The following GABRB2 variants were observed in gnomAD, a reference collection of about 807,000 sequenced individuals.
The protein encoded by GABRB2 is gamma-aminobutyric acid type A receptor subunit beta2.
GABRB2 carries 16 observed loss-of-function variants against 54.7 expected under a neutral mutation model. The ratio of observed to expected loss-of-function variants is 0.29; its 90% confidence interval spans 0.20 to 0.44. GABRB2 has a LOEUF of 0.44. Ranked by LOEUF, GABRB2 falls within the 20% of genes least tolerant of loss-of-function variation. The pLI, the probability that GABRB2 is intolerant of heterozygous loss-of-function variation, is 1.00. For missense variants in GABRB2, 355 were observed against 644.0 expected, an observed-to-expected ratio of 0.55 and a Z score of 4.86; for synonymous variants, 244 against 233.8, an observed-to-expected ratio of 1.04 and a Z score of -0.40.
chr5:161,498,114 T>G (rs573011964), intron 3 of GABRB2, among the ~76,000 whole-genome samples: 33 of 152,200 alleles, frequency 2.2e-4, no homozygotes, highest in Non-Finnish European at 3.5e-4. Context: ...TTGCATGAAA[T>G]TTAGAAGGCT....
intron 3 of GABRB2, among the ~76,000 whole-genome samples, chr5:161,527,151 T>C (rs535021752): frequency 6.6e-6 from 1 of 151,186 alleles, no homozygotes; most frequent in East Asian, 1.9e-4. Flanking sequence ...GGGAGAAATA[T>C]TAATGAAGCA....
intron 3 of GABRB2, among the ~76,000 whole-genome samples, chr5:161,538,418 T>C (rs1274092393): frequency 1.3e-5 from 2 of 152,186 alleles, no homozygotes; most frequent in African/African-American, 4.8e-5. Flanking sequence ...AAGGAACTTA[T>C]AGGAGACAAA....
intron 4 of GABRB2, among the ~76,000 whole-genome samples, chr5:161,440,310 A>G (rs1319606324): frequency 2.6e-5 from 4 of 152,148 alleles, no homozygotes; most frequent in Admixed American, 6.6e-5. Flanking sequence ...GAATGGATGA[A>G]AAAACAAGAC....
intron 4 of GABRB2, among the ~76,000 whole-genome samples, chr5:161,448,372 A>G (rs1757695009): frequency 6.6e-6 from 1 of 152,120 alleles, no homozygotes; most frequent in South Asian, 2.1e-4. Flanking sequence ...GCTCTGAACT[A>G]TGAGAACACC....
intron 5 of GABRB2, among the ~76,000 whole-genome samples, chr5:161,372,274 C>T (rs916059082): frequency 4.6e-5 from 7 of 152,164 alleles, no homozygotes; most frequent in Non-Finnish European, 8.8e-5. Context: ...GGGGCTGCAT[C>T]CCTGAAAAGG....
At chr5:161,479,823 T>C (rs976341599) in intron 3 of GABRB2, among the ~76,000 whole-genome samples, 1 of 151,868 alleles carries the variant, frequency 6.6e-6, no homozygotes, top group Non-Finnish European at 1.5e-5. Flanking sequence ...TTCCTGACCT[T>C]GTGATCCACC....
At chr5:161,352,410 T>C (rs1347013764) in intron 5 of GABRB2, among the ~76,000 whole-genome samples, 1 of 151,922 alleles carries the variant, frequency 6.6e-6, no homozygotes, top group African/African-American at 2.4e-5. Context: ...TGCGACAACA[T>C]GAATGAACCT....
chr5:161,525,174 C>T (rs1760238749), intron 3 of GABRB2, among the ~76,000 whole-genome samples: 1 of 151,022 alleles, frequency 6.6e-6, no homozygotes, highest in Admixed American at 6.6e-5. Context: ...ACAAGTGTGC[C>T]CTAATAAAAA....
chr5:161,452,010 A>T (rs1757802421), intron 4 of GABRB2, among the ~76,000 whole-genome samples: 3 of 152,166 alleles, frequency 2.0e-5, no homozygotes, highest in Admixed American at 6.6e-5. Flanking sequence ...AATGTGATTA[A>T]GTATGATGTA....
chr5:161,346,561 ATCTTAACCCAT>A (rs1218249675), intron 5 of GABRB2, among the ~76,000 whole-genome samples: 2 of 152,138 alleles, frequency 1.3e-5, no homozygotes, highest in African/African-American at 4.8e-5. Flanking sequence ...GGGTCTCTCC[ATCTTAACCCAT>A]TCTTTTGTAC....
intron 5 of GABRB2, among the ~76,000 whole-genome samples, chr5:161,367,830 T>G (rs191712659): frequency 1.2e-3 from 185 of 152,222 alleles, no homozygotes; most frequent in Middle Eastern, 0.01. Flanking sequence ...CACCAGGAAA[T>G]AGTCAACAGA....
chr5:161,471,189 C>T (rs1758429202), intron 3 of GABRB2, among the ~76,000 whole-genome samples: 1 of 151,934 alleles, frequency 6.6e-6, no homozygotes, highest in African/African-American at 2.4e-5. Context: ...TTCTGAAGGA[C>T]ATAGTTTATC....
intron 5 of GABRB2, among the ~76,000 whole-genome samples, chr5:161,409,181 T>C (rs950400513): frequency 1.3e-5 from 2 of 152,048 alleles, no homozygotes; most frequent in African/African-American, 4.8e-5. Flanking sequence ...AAGTAAGAAG[T>C]CAGCTATCTT....
chr5:161,508,122 A>C (rs1759664764), intron 3 of GABRB2, among the ~76,000 whole-genome samples: 1 of 151,762 alleles, frequency 6.6e-6, no homozygotes, highest in East Asian at 1.9e-4. Context: ...ATTTTATATC[A>C]CTGAATGCCT....
chr5:161,467,988 T>C (rs1758326737), intron 3 of GABRB2, among the ~76,000 whole-genome samples: 1 of 152,116 alleles, frequency 6.6e-6, no homozygotes, highest in African/African-American at 2.4e-5. Flanking sequence ...TTTGCATGCT[T>C]TGGAATATTT....
At chr5:161,349,197 T>C (rs889247844) in intron 5 of GABRB2, among the ~76,000 whole-genome samples, 13 of 152,026 alleles carry the variant, frequency 8.6e-5, no homozygotes, top group Non-Finnish European at 1.8e-4. Context: ...TCTGTTCTTT[T>C]CTAAACTACC....
rs549053621 is a variant in GABRB2 at position 161,288,580 on chromosome 5, A to T, written c.*5501T>A. 11 of 152,732 alleles carry T rather than the reference A, an allele frequency of 7.2e-5. No homozygotes were observed. In the South Asian group the frequency reaches 2.3e-3, roughly 32 times the overall value. The allele number at this position is 152,732 out of a possible 1,614,324, so 9.5% of individuals were successfully genotyped here. A position where few individuals can be genotyped will look rare whatever the true frequency, so the allele number is the denominator to read the frequency against. Reference sequence around the variant, plus strand: ...TATTCATTTATAATCCTCATTTTTTACTATCTCATGTATCCCAGAGATTTT... The same window carrying T: ...TATTCATTTATAATCCTCATTTTTTTCTATCTCATGTATCCCAGAGATTTT... On this transcript the variant is annotated 3_prime_UTR_variant, in exon 10 of 10. Transcript: ENST00000393959.
In GABRB2 at chr5:161,299,151, C is replaced by T. The variant is rs1390790053; in HGVS notation, c.1192-4723G>A. Among the ~76,000 whole-genome samples, 3 of 152,148 alleles carry T rather than the reference C, an allele frequency of 2.0e-5. No individual in the cohort carries two copies. In the East Asian group the frequency reaches 5.8e-4, roughly 29 times the overall value. On this transcript the variant is annotated intron_variant, in intron 9 of 9. Transcript: ENST00000393959. ...TAAATATGTCACTAAATTTCAGAGT[C>T]CTGCTAACTGCAGCACTTGCAAGTA...
intron 3 of GABRB2, among the ~76,000 whole-genome samples, chr5:161,501,660 C>T (rs1759449463): frequency 6.6e-6 from 1 of 151,910 alleles, no homozygotes; most frequent in Admixed American, 6.6e-5. Flanking sequence ...GACATTGAAC[C>T]CGATTATCTT....
Sources: gnomAD v4.1 joint callset for allele counts (sites outside exome capture counted in the v4.1 genomes callset) on GRCh38, gnomAD v4.1.1 for gene constraint, MANE v1.5 for transcripts, NCBI Gene and HGNC (gene_info 2026-07-23, HGNC 2026-07-21) for gene names.